DST: variants seen among roughly 807,000 people sequenced by gnomAD.
DST encodes bullous pemphigoid antigen.
Under a neutral mutation model 875.2 loss-of-function variants are expected in DST, and 253 were observed. The ratio of observed to expected loss-of-function variants is 0.29; its 90% confidence interval spans 0.26 to 0.32. The LOEUF (loss-of-function observed/expected upper bound fraction) is 0.32. Among genes scored for constraint, DST ranks in the 10% least tolerant of loss-of-function variants. The pLI is 1.00. For missense variants in DST, 8,287 were observed against 9,111.6 expected, an observed-to-expected ratio of 0.91 and a Z score of 3.68; for synonymous variants, 3,124 against 3,197.1, an observed-to-expected ratio of 0.98 and a Z score of 0.77.
In DST at chr6:56,625,175, T is replaced by C. The variant is rs767712487; in HGVS notation, c.4812A>G (p.Ala1604=). Residue 1604 remains alanine, a synonymous_variant, in exon 35 of 104, where the codon GCA becomes GCG. Coordinates refer to ENST00000680361, the MANE Select transcript of DST (RefSeq NM_001374736.1). Reference sequence around the variant, plus strand: ...TTATTACCTCTTGAATAATGAGATCTGCTGAACTCTGCATTCTTCGGCGTT... The same window carrying C: ...TTATTACCTCTTGAATAATGAGATCCGCTGAACTCTGCATTCTTCGGCGTT... ...PVKRRRMQSS[A]DLIIQEFMDL... is the part of the protein sequence containing the mutation. 1.2e-5 allele frequency: 19 copies of C among 1,611,872 alleles called. No homozygotes were observed. In the African/African-American group the frequency reaches 2.0e-4, roughly 17 times the overall value.
intron 55 of DST, among the ~76,000 whole-genome samples, chr6:56,563,107 T>C (rs1353861328): frequency 1.3e-5 from 2 of 152,176 alleles, no homozygotes; most frequent in East Asian, 1.9e-4. Flanking sequence ...TACCCAGTAA[T>C]AGGATTGCTG....
intron 2 of DST, among the ~76,000 whole-genome samples, chr6:56,936,941 A>G (rs945128849): frequency 1.3e-5 from 2 of 152,220 alleles, no homozygotes; most frequent in African/African-American, 4.8e-5. Flanking sequence ...TCCCACAGAG[A>G]AAACACCAGC....
In DST at chr6:56,603,938, T is replaced by C. The variant is rs981575466; in HGVS notation, c.10690A>G (p.Arg3564Gly). The C allele has an allele frequency of 1.4e-5, 23 of 1,611,420 alleles. No individual in the cohort carries two copies. The highest frequency in any genetic ancestry group is 1.9e-5 in the Non-Finnish European group (22 of 1,178,642). The change falls in exon 40 of 104, where the codon AGA (arginine) becomes GGA (glycine). Residue 3564 changes from arginine to glycine, a missense_variant. Arg to Gly is a moderately radical substitution (Grantham distance 125). Coordinates refer to ENST00000680361, the MANE Select transcript of DST (RefSeq NM_001374736.1). Reference sequence around the variant, plus strand: ...CACAGATCCTTGAGCTTCTCATCTCTTGGCAATGTTGATGCCCACACAGTA... The same window carrying C: ...CACAGATCCTTGAGCTTCTCATCTCCTGGCAATGTTGATGCCCACACAGTA... ...SSTVWASTLP[R>G]DEKLKDLCND... is the part of the protein sequence containing the mutation.
At chr6:56,954,286 G>C in intron 1 of DST, 121 bp downstream of exon 1, 1 of 646,454 alleles carries the variant, frequency 1.5e-6, no homozygotes, top group Non-Finnish European at 2.3e-6. Context: ...CACTCAGCCT[G>C]GGGAGTGGGC....
At chr6:56,583,910 C>T (rs1019727799) in intron 49 of DST, among the ~76,000 whole-genome samples, 25 of 152,194 alleles carry the variant, frequency 1.6e-4, no homozygotes, top group Middle Eastern at 3.4e-3. Flanking sequence ...TGTAGATACG[C>T]GGTGTTATTT....
At position 56,604,620 on chromosome 6, in the gene DST, T is replaced by C; in HGVS notation, c.10008A>G (p.Arg3336=). 1 of 1,612,360 alleles carries C rather than the reference T, an allele frequency of 6.2e-7. No homozygotes were observed. Among genetic ancestry groups the C allele is most frequent in the Non-Finnish European group, 8.5e-7 (1 of 1,179,124 alleles). ...QLPKEQALSP[R]SQEKEVQIPE... ...GAATCTGAACCTCCTTTTCTTGGGA[T>C]CTTGGAGACAAGGCTTGTTCTTTTG... Residue 3336 remains arginine, a synonymous_variant, in exon 40 of 104, where the codon AGA becomes AGG. Transcript: ENST00000680361.
chr6:56,824,157 C>G lies in DST; in HGVS notation c.625+27240G>C, dbSNP rs796684260. ...CCGAGTGCCTGCGATTGCAGGCGCG[C>G]GCCGCCACGCCTGACTGGTTTTCGT... On this transcript the variant is annotated intron_variant, in intron 4 of 103. Coordinates refer to ENST00000680361, the MANE Select transcript of DST (RefSeq NM_001374736.1). Among the ~76,000 whole-genome samples the G allele has an allele frequency of 2.0e-4, 31 of 152,274 alleles. No individual in the cohort carries two copies. The East Asian group carries it at 5.6e-3, about 28-fold the overall frequency.
At chr6:56,821,837 T>G (rs922448378) in intron 4 of DST, among the ~76,000 whole-genome samples, 1 of 152,196 alleles carries the variant, frequency 6.6e-6, no homozygotes, top group African/African-American at 2.4e-5. Context: ...TTTTTAGGGT[T>G]AGCTTAACAC....
intron 83 of DST, among the ~76,000 whole-genome samples, chr6:56,493,543 TA>T (rs34441079): frequency 2.6e-5 from 4 of 152,082 alleles, no homozygotes; most frequent in Admixed American, 6.6e-5. Context: ...TTTGCGGTTT[TA>T]AAAAAGTAAC....
At chr6:56,544,524 A>C (rs1277628176) in intron 61 of DST, among the ~76,000 whole-genome samples, 1 of 152,204 alleles carries the variant, frequency 6.6e-6, no homozygotes, top group African/African-American at 2.4e-5. Context: ...GATTCAAAAA[A>C]ATAGCACTCA....
chr6:56,780,605 C>A (rs908844544), intron 4 of DST, among the ~76,000 whole-genome samples: 5 of 152,168 alleles, frequency 3.3e-5, no homozygotes, highest in Non-Finnish European at 5.9e-5. Flanking sequence ...TGTTGGAGTT[C>A]ATTGTAGATT....
intron 2 of DST, among the ~76,000 whole-genome samples, chr6:56,941,763 G>A (rs997447285): frequency 1.3e-5 from 2 of 152,102 alleles, no homozygotes; most frequent in Admixed American, 1.3e-4. Context: ...TTATAGGCAT[G>A]AGCCACCGTG....
At position 56,788,196 on chromosome 6, in the gene DST, T is replaced by C. The variant is rs370256120; in HGVS notation, c.626-52907A>G. 7.2e-5 allele frequency among the ~76,000 whole-genome samples: 10 copies of C among 138,504 alleles called. No homozygotes were observed. The East Asian group carries it at 1.3e-3, about 18-fold the overall frequency. 90.9% of individuals were successfully genotyped at this position (138,504 alleles called of 152,430 possible). The stretch of plus-strand genomic sequence containing the variant: ...ATTTAATTATAGCAAGTATCGAAAG[T>C]ATTAAGTTCTTCTTTTTTTTTTTTG... On this transcript the variant is annotated intron_variant, in intron 4 of 103. Coordinates refer to ENST00000680361, the MANE Select transcript of DST (RefSeq NM_001374736.1).
chr6:56,512,738 A>G (rs1476405718), intron 72 of DST, among the ~76,000 whole-genome samples: 1 of 152,242 alleles, frequency 6.6e-6, no homozygotes, highest in Non-Finnish European at 1.5e-5. Flanking sequence ...GAGGAATTAC[A>G]TCATTAACTA....
chr6:56,755,826 T>C (rs761083599), intron 4 of DST, among the ~76,000 whole-genome samples: 1 of 152,224 alleles, frequency 6.6e-6, no homozygotes, highest in Non-Finnish European at 1.5e-5. Context: ...GTTTATAAAA[T>C]AGGATTATTC....
intron 82 of DST, among the ~76,000 whole-genome samples, chr6:56,497,142 T>C (rs1008803408): frequency 6.6e-6 from 1 of 151,972 alleles, no homozygotes; most frequent in Non-Finnish European, 1.5e-5. Flanking sequence ...TGTGCACATG[T>C]ACCCTAAAAC....
At chr6:56,719,673 C>G (rs985486954) in intron 5 of DST, among the ~76,000 whole-genome samples, 4 of 152,146 alleles carry the variant, frequency 2.6e-5, no homozygotes, top group African/African-American at 9.7e-5. Flanking sequence ...CACGTAGGTT[C>G]TTTTCTATTT....
At chr6:56,514,373 ATAAAGT>A (rs1460416962) in intron 72 of DST, among the ~76,000 whole-genome samples, 1 of 152,220 alleles carries the variant, frequency 6.6e-6, no homozygotes, top group African/African-American at 2.4e-5. Flanking sequence ...TCTATATTAA[ATAAAGT>A]TAAAGTGTGG....
chr6:56,672,196 G>T (rs1281931601), intron 9 of DST, among the ~76,000 whole-genome samples: 2 of 152,188 alleles, frequency 1.3e-5, no homozygotes, highest in Non-Finnish European at 2.9e-5. Context: ...GGGCAGGAAG[G>T]CTGTGGCAGT....
Sources: gnomAD v4.1 joint callset for allele counts (sites outside exome capture counted in the v4.1 genomes callset) on GRCh38, gnomAD v4.1.1 for gene constraint, MANE v1.5 for transcripts, NCBI Gene and HGNC (gene_info 2026-07-23, HGNC 2026-07-21) for gene names.